Variants in CTNNA2 observed in about 807,000 individuals in gnomAD.
The protein encoded by CTNNA2 is catenin alpha-2.
CTNNA2 carries 42 observed loss-of-function variants against 101.0 expected under a neutral mutation model. That is an observed-to-expected ratio of 0.42 (90% CI 0.32 to 0.54). The LOEUF is 0.54. CTNNA2 is among the 20% of genes least tolerant of loss of function. The pLI is 0.14. For synonymous variants in CTNNA2, 450 were observed against 456.4 expected (o/e 0.99, Z 0.18); for missense variants, 871 against 1,223.1 (o/e 0.71, Z 4.29).
At chr2:80,222,416 A>C (rs1330842884) in intron 7 of CTNNA2, among the ~76,000 whole-genome samples, 2 of 152,178 alleles carry the variant, frequency 1.3e-5, no homozygotes, top group Non-Finnish European at 2.9e-5. Context: ...TGCAAATCTT[A>C]TATAATGCAA....
chr2:79,525,789 G>T (rs1672370817), intron 1 of CTNNA2, among the ~76,000 whole-genome samples: 1 of 151,960 alleles, frequency 6.6e-6, no homozygotes. Context: ...ACTGAATCTA[G>T]TTTAAAAATT....
intron 7 of CTNNA2, among the ~76,000 whole-genome samples, chr2:80,199,182 G>GAAAAAAAA (rs70940076): frequency 5.0e-5 from 2 of 40,060 alleles, no homozygotes; most frequent in African/African-American, 1.7e-4. Flanking sequence ...CTCCATCTCA[G>GAAAAAAAA]AAAAAAAAAA....
intron 7 of CTNNA2, among the ~76,000 whole-genome samples, chr2:80,161,567 C>A (rs942010439): frequency 4.6e-5 from 7 of 152,130 alleles, no homozygotes; most frequent in African/African-American, 1.7e-4. Flanking sequence ...CCTGTACAGT[C>A]TCCATTACAT....
At chr2:79,950,446 T>C (rs1418353906) in intron 7 of CTNNA2, among the ~76,000 whole-genome samples, 1 of 152,198 alleles carries the variant, frequency 6.6e-6, no homozygotes. Context: ...TTTTGTTAGA[T>C]ATGAAATACA....
At chr2:80,267,245 G>T (rs2149132783) in intron 7 of CTNNA2, among the ~76,000 whole-genome samples, 1 of 152,280 alleles carries the variant, frequency 6.6e-6, no homozygotes, top group African/African-American at 2.4e-5. Context: ...TGTATGTGGT[G>T]GTGAAGGGGG....
intron 3 of CTNNA2, among the ~76,000 whole-genome samples, chr2:79,362,400 A>G (rs1465224190): frequency 6.6e-6 from 1 of 152,208 alleles, no homozygotes; most frequent in Non-Finnish European, 1.5e-5. Flanking sequence ...AGATCAAGCT[A>G]ATTAACATAT....
chr2:79,312,456 A>G (rs973524764), intron 2 of CTNNA2, among the ~76,000 whole-genome samples: 1 of 152,120 alleles, frequency 6.6e-6, no homozygotes, highest in African/African-American at 2.4e-5. Context: ...TCATTCATTC[A>G]TTTAGCAAGT....
intron 2 of CTNNA2, among the ~76,000 whole-genome samples, chr2:79,224,029 G>A (rs908509658): frequency 1.3e-5 from 2 of 152,202 alleles, no homozygotes; most frequent in African/African-American, 2.4e-5. Context: ...TGAGATAAAA[G>A]CATTCTTCCG....
intron 7 of CTNNA2, among the ~76,000 whole-genome samples, chr2:79,948,884 C>T (rs540630639): frequency 2.3e-4 from 35 of 152,250 alleles, no homozygotes; most frequent in African/African-American, 7.7e-4. Flanking sequence ...AGGAGAATGG[C>T]GTGAACCCGG....
chr2:80,371,971 G>A (rs1402452427), intron 7 of CTNNA2, among the ~76,000 whole-genome samples: 1 of 152,138 alleles, frequency 6.6e-6, no homozygotes, highest in East Asian at 1.9e-4. Flanking sequence ...TAATTTTTCA[G>A]CTCCAGACTT....
chr2:80,427,612 TC>T (rs1285505694), intron 9 of CTNNA2, among the ~76,000 whole-genome samples: 1 of 152,194 alleles, frequency 6.6e-6, no homozygotes, highest in African/African-American at 2.4e-5. Flanking sequence ...ACTTAGTTAC[TC>T]CTGATAGCAG....
intron 3 of CTNNA2, among the ~76,000 whole-genome samples, chr2:79,791,858 T>C (rs1465915146): frequency 6.6e-6 from 1 of 152,160 alleles, no homozygotes; most frequent in African/African-American, 2.4e-5. Context: ...ATTTGGACAA[T>C]GAGCTGTCAT....
At position 79,912,573 on chromosome 2, in the gene CTNNA2, C is replaced by G. The variant is rs187681488; in HGVS notation, c.1056+2776C>G. Among the ~76,000 whole-genome samples the G allele has an allele frequency of 3.9e-3, 597 of 152,204 alleles. 9 individuals carry two copies. Among genetic ancestry groups the G allele is most frequent in the Non-Finnish European group, 4.1e-3 (282 of 68,020 alleles). ...GGGTGAAAATCATCACAGATCATGG[C>G]GGTGGTAGAAAGGATGGTTGGAATT... is the stretch of plus-strand genomic sequence containing the variant. On this transcript the variant is annotated intron_variant, in intron 7 of 18. Coordinates refer to ENST00000402739, the MANE Select transcript of CTNNA2 (RefSeq NM_001282597.3).
At chr2:80,336,321 A>T (rs1248441478) in intron 7 of CTNNA2, among the ~76,000 whole-genome samples, 1 of 152,134 alleles carries the variant, frequency 6.6e-6, no homozygotes, top group African/African-American at 2.4e-5. Context: ...CTGAGGCCTC[A>T]TCTCCAAGTA....
intron 8 of CTNNA2, among the ~76,000 whole-genome samples, chr2:80,402,165 T>A (rs1320296323): frequency 6.6e-6 from 1 of 152,134 alleles, no homozygotes; most frequent in Non-Finnish European, 1.5e-5. Context: ...ATAAAGAATA[T>A]TCAGGTGAGC....
intron 7 of CTNNA2, among the ~76,000 whole-genome samples, chr2:80,057,584 A>G (rs1360572905): frequency 2.0e-5 from 3 of 152,056 alleles, no homozygotes; most frequent in Non-Finnish European, 4.4e-5. Context: ...TCTGGCTCCC[A>G]CTCACAGGCA....
At chr2:80,580,258 T>A (rs1162410074) in intron 13 of CTNNA2, among the ~76,000 whole-genome samples, 3 of 152,210 alleles carry the variant, frequency 2.0e-5, no homozygotes, top group African/African-American at 7.2e-5. Context: ...TGCACAGTTA[T>A]CTATTATTAT....
In CTNNA2 at chr2:80,303,598, G is replaced by A. The variant is rs959169002; in HGVS notation, c.1057-89613G>A. ...CGGCGCGCAGCTCCGAGAGGCTGTTGTAGCGCAGGGACAAGCCCAGCAGGC... is the reference window on the plus strand; with the variant it reads ...CGGCGCGCAGCTCCGAGAGGCTGTTATAGCGCAGGGACAAGCCCAGCAGGC... On this transcript the variant is annotated intron_variant, in intron 7 of 18. Coordinates refer to ENST00000402739, the MANE Select transcript of CTNNA2 (RefSeq NM_001282597.3). This position sits in a 1 kb window ranked among gnomAD's most constrained non-coding sequence, Gnocchi z 7.7. 2 of 1,614,178 alleles carry A rather than the reference G, an allele frequency of 1.2e-6. No individual in the cohort carries two copies. The highest frequency in any genetic ancestry group is 1.7e-6 in the Non-Finnish European group (2 of 1,180,030).
chr2:79,651,494 A>G, intron 1 of CTNNA2, 58 bp from the exon 2 acceptor site: 1 of 1,512,942 alleles, frequency 6.6e-7, no homozygotes, highest in Non-Finnish European at 9.2e-7. Context: ...TTGAATCACC[A>G]AAGTTACAAT....
Sources: gnomAD v4.1 joint callset for allele counts (sites outside exome capture counted in the v4.1 genomes callset) on GRCh38, gnomAD v4.1.1 for gene constraint, Gnocchi (gnomAD v3.1) non-coding constraint, MANE v1.5 for transcripts, NCBI Gene and HGNC (gene_info 2026-07-23, HGNC 2026-07-21) for gene names.